Variants in NUMB observed in about 807,000 individuals in gnomAD.
NUMB encodes the protein protein numb homolog.
A neutral mutation model predicts 59.7 loss-of-function variants in NUMB; 29 were observed. The ratio of observed to expected loss-of-function variants is 0.49; its 90% confidence interval spans 0.36 to 0.66. NUMB has a LOEUF of 0.66. NUMB is among the 30% of genes least tolerant of loss of function. NUMB has a pLI of 0.00. For missense variants in NUMB, 723 were observed against 822.0 expected (o/e 0.88, Z 1.47); for synonymous variants, 288 against 288.2 (o/e 1.00, Z 0.01).
intron 2 of NUMB, among the ~76,000 whole-genome samples, chr14:73,398,534 C>T (rs1896259576): frequency 6.7e-6 from 1 of 150,122 alleles, no homozygotes. Flanking sequence ...TTTATATTTG[C>T]CCATTTGTAT....
rs149072716 is a variant in NUMB, at chr14:73,442,926, A to T, written c.-233+15567T>A. Reference sequence around the variant, plus strand: ...CGTCCCATCTGGAGTGTAGTGGTGCAATCTCAGCTCACTGCAACCTCTACC... The same window carrying T: ...CGTCCCATCTGGAGTGTAGTGGTGCTATCTCAGCTCACTGCAACCTCTACC... On this transcript the variant is annotated intron_variant, in intron 1 of 12. Coordinates refer to ENST00000555238, the MANE Select transcript of NUMB (RefSeq NM_001005743.2). 2.4e-3 allele frequency among the ~76,000 whole-genome samples: 367 copies of T among 152,100 alleles called. 3 individuals carry two copies. The highest frequency in any genetic ancestry group is 8.4e-3 in the African/African-American group (348 of 41,486).
At position 73,282,417 on chromosome 14, in the gene NUMB, T is replaced by C; in HGVS notation, c.1038A>G (p.Ser346=). 1 of 1,614,224 alleles carries C rather than the reference T, an allele frequency of 6.2e-7. No homozygotes were observed. The highest frequency in any genetic ancestry group is 8.5e-7 in the Non-Finnish European group (1 of 1,180,040). ...NAFSTPEDPF[S]SAPMTKPVTV... ...TCACTGGTTTGGTCATCGGAGCAGA[T>C]GAGAAGGGGTCCTCAGGTGTGCTGA... is the stretch of plus-strand genomic sequence containing the variant. The change falls in exon 11 of 13, where the codon TCA becomes TCG. Residue 346 remains serine, a synonymous_variant. Coordinates refer to ENST00000555238, the MANE Select transcript of NUMB (RefSeq NM_001005743.2).
chr14:73,418,576 A>C (rs1897224585), intron 1 of NUMB, among the ~76,000 whole-genome samples: 1 of 152,050 alleles, frequency 6.6e-6, no homozygotes, highest in Non-Finnish European at 1.5e-5. Flanking sequence ...GTTCAAGACC[A>C]GCCTGACCAA....
At chr14:73,387,499 C>T (rs973281810) in intron 2 of NUMB, among the ~76,000 whole-genome samples, 1 of 152,018 alleles carries the variant, frequency 6.6e-6, no homozygotes. Context: ...GGCTTTTCCC[C>T]TTTTGCTTGG....
chr14:73,368,670 C>T (rs769646073), intron 2 of NUMB, among the ~76,000 whole-genome samples: 1 of 152,100 alleles, frequency 6.6e-6, no homozygotes, highest in Non-Finnish European at 1.5e-5. Context: ...AATATAGTCA[C>T]AATACTCAGT....
intron 4 of NUMB, among the ~76,000 whole-genome samples, chr14:73,331,660 G>C (rs533935479): frequency 7.2e-4 from 109 of 152,290 alleles, no homozygotes; most frequent in Non-Finnish European, 1.3e-3. Context: ...GGCACGACAA[G>C]GTGGAAGTAA....
chr14:73,361,747 G>A (rs1186048989), intron 3 of NUMB, among the ~76,000 whole-genome samples: 1 of 152,036 alleles, frequency 6.6e-6, no homozygotes, highest in Admixed American at 6.6e-5. Context: ...TACTAGAAGA[G>A]CCAGGATGGA....
intron 2 of NUMB, among the ~76,000 whole-genome samples, chr14:73,395,037 T>TTATGTGTGTGTG (rs1230785169): frequency 0.014 from 1,636 of 119,992 alleles, 51 homozygotes; most frequent in East Asian, 0.06. Flanking sequence ...ATTCGTGTGT[T>TTATGTGTGTGTG]TGTGTGTGTG....
At chr14:73,279,147 C>T in intron 12 of NUMB, 134 bp downstream of exon 12, 1 of 966,376 alleles carries the variant, frequency 1.0e-6, no homozygotes, top group Middle Eastern at 2.5e-4. Flanking sequence ...ATGTAAGCAA[C>T]TTATTTCTAG....
chr14:73,440,774 G>A (rs548123307), intron 1 of NUMB, among the ~76,000 whole-genome samples: 319 of 145,600 alleles, frequency 2.2e-3, no homozygotes, highest in Non-Finnish European at 3.9e-3. Flanking sequence ...GTTGCAGTGA[G>A]CTGAGATCGC....
chr14:73,368,588 AAAAAAC>A (rs1894504570), intron 2 of NUMB, among the ~76,000 whole-genome samples: 1 of 152,096 alleles, frequency 6.6e-6, no homozygotes, highest in Non-Finnish European at 1.5e-5. Flanking sequence ...CGTCTCCAAA[AAAAAAC>A]AAAAAAAAAA....
chr14:73,420,808 C>T (rs767771650), intron 1 of NUMB, among the ~76,000 whole-genome samples: 2 of 152,030 alleles, frequency 1.3e-5, no homozygotes, highest in Non-Finnish European at 2.9e-5. Context: ...ACACTTGCAC[C>T]TATACACAGA....
intron 1 of NUMB, among the ~76,000 whole-genome samples, chr14:73,437,033 TTCTC>T (rs1216902924): frequency 1.4e-4 from 20 of 147,298 alleles, no homozygotes; most frequent in African/African-American, 2.0e-4. Context: ...TATATATTTT[TTCTC>T]TCTCTTTTTT....
intron 1 of NUMB, among the ~76,000 whole-genome samples, chr14:73,449,044 G>A (rs1246924085): frequency 1.3e-5 from 2 of 151,876 alleles, no homozygotes; most frequent in East Asian, 3.9e-4. Context: ...TTTCTTTCTT[G>A]TCATTATACC....
chr14:73,372,358 T>C (rs1894744772), intron 2 of NUMB, among the ~76,000 whole-genome samples: 1 of 120,124 alleles, frequency 8.3e-6, no homozygotes, highest in African/African-American at 2.8e-5. Context: ...TATATATATA[T>C]AACCTTTTAT....
At chr14:73,322,237 G>T (rs937813681) in intron 5 of NUMB, among the ~76,000 whole-genome samples, 25 of 152,290 alleles carry the variant, frequency 1.6e-4, no homozygotes, top group Middle Eastern at 6.8e-3. Flanking sequence ...TTGTGAAAAG[G>T]GCTATCAGAT....
At chr14:73,291,917 C>T (rs1403920655) in intron 8 of NUMB, among the ~76,000 whole-genome samples, 1 of 151,990 alleles carries the variant, frequency 6.6e-6, no homozygotes, top group Admixed American at 6.6e-5. Context: ...AACTCCTGAC[C>T]TCGTGATCCG....
chr14:73,286,874 C>T, intron 9 of NUMB: 1 of 526,122 alleles, frequency 1.9e-6, no homozygotes, highest in Admixed American at 3.1e-5. Flanking sequence ...TCTGCAGCTT[C>T]TTCAACTGCA....
chr14:73,304,165 A>G (rs1241050168), intron 6 of NUMB, among the ~76,000 whole-genome samples: 4 of 152,230 alleles, frequency 2.6e-5, no homozygotes, highest in Non-Finnish European at 5.9e-5. Flanking sequence ...TGGCACAGAA[A>G]TAGTAACAAG....
Sources: gnomAD v4.1 joint callset for allele counts (sites outside exome capture counted in the v4.1 genomes callset) on GRCh38, gnomAD v4.1.1 for gene constraint, MANE v1.5 for transcripts, NCBI Gene and HGNC (gene_info 2026-07-23, HGNC 2026-07-21) for gene names.